COL25A1: variants seen among roughly 807,000 people sequenced by gnomAD.
COL25A1 encodes collagen type XXV alpha 1 chain, also known as collagen alpha-1(XXV) chain.
Under a neutral mutation model 128.4 loss-of-function variants are expected in COL25A1, and 103 were observed. The ratio of observed to expected loss-of-function variants is 0.80; its 90% CI spans 0.68 to 0.94. COL25A1 has a LOEUF of 0.94. Ranked by LOEUF, COL25A1 falls within the 40% of genes least tolerant of loss-of-function variation. The probability of loss-of-function intolerance (pLI) is 0.00; values close to 1 mark genes in which losing one functional copy is unlikely to be tolerated. For synonymous variants in COL25A1, 279 were observed against 277.2 expected, an observed-to-expected ratio of 1.01 and a Z score of -0.06; for missense variants, 745 against 840.0, an observed-to-expected ratio of 0.89 and a Z score of 1.40.
chr4:109,256,604 T>C (rs1355642203), intron 3 of COL25A1, among the ~76,000 whole-genome samples: 2 of 152,208 alleles, frequency 1.3e-5, no homozygotes, highest in Non-Finnish European at 2.9e-5. Flanking sequence ...CACAGAAGCC[T>C]CATTTCCAGA....
At chr4:109,233,468 AT>A (rs955634467) in intron 3 of COL25A1, among the ~76,000 whole-genome samples, 10 of 150,856 alleles carry the variant, frequency 6.6e-5, no homozygotes, top group Non-Finnish European at 1.0e-4. Context: ...GAGTATGTGG[AT>A]TTTTTTTCTT....
chr4:108,963,913 G>C (rs1348029004), intron 8 of COL25A1, among the ~76,000 whole-genome samples: 1 of 151,038 alleles, frequency 6.6e-6, no homozygotes. Context: ...ATACATCCAG[G>C]GATATATGTC....
intron 16 of COL25A1, among the ~76,000 whole-genome samples, chr4:108,893,052 C>T (rs1317411542): frequency 6.6e-6 from 1 of 152,080 alleles, no homozygotes; most frequent in Admixed American, 6.6e-5. Context: ...GTTTGGTTGG[C>T]TCCAAATATG....
chr4:109,161,755 TAA>T lies in COL25A1; in HGVS notation c.368-111578_368-111577del, dbSNP rs570034672. Among the ~76,000 whole-genome samples, 421 of 152,366 alleles carry T rather than the reference TAA, an allele frequency of 2.8e-3. 3 individuals are homozygous for T. The highest frequency in any genetic ancestry group is 0.017 in the Middle Eastern group (5 of 294). On this transcript the variant is annotated intron_variant, in intron 3 of 37. Transcript: ENST00000399132. Reference sequence around the variant, plus strand: ...CATTCCAGTTACTATATTAATACTTTAAAATTATACTGAAGATGGAAAAGACA... The same window carrying T: ...CATTCCAGTTACTATATTAATACTTTAATTATACTGAAGATGGAAAAGACA...
chr4:109,093,472 A>AAAAAAAAAAAAAC (rs765991576), intron 3 of COL25A1, among the ~76,000 whole-genome samples: 8 of 145,540 alleles, frequency 5.5e-5, no homozygotes, highest in Admixed American at 1.3e-4. Context: ...AAAAAAAAAA[A>AAAAAAAAAAAAAC]AAAACCTTTT....
At chr4:108,898,500 T>C (rs970667355) in intron 15 of COL25A1, among the ~76,000 whole-genome samples, 1 of 152,194 alleles carries the variant, frequency 6.6e-6, no homozygotes, top group African/African-American at 2.4e-5. Context: ...TATCGTAATA[T>C]GCAATCAGAG....
At chr4:109,063,102 C>T (rs1239512659) in intron 3 of COL25A1, among the ~76,000 whole-genome samples, 1 of 152,166 alleles carries the variant, frequency 6.6e-6, no homozygotes, top group Admixed American at 6.5e-5. Flanking sequence ...ACAATGTTAG[C>T]CAATACATAA....
chr4:109,058,978 C>T (rs1761696793), intron 3 of COL25A1, among the ~76,000 whole-genome samples: 1 of 152,166 alleles, frequency 6.6e-6, no homozygotes, highest in South Asian at 2.1e-4. Flanking sequence ...ACGCAGAAGT[C>T]TGGACCCAGT....
At chr4:108,896,409 A>T (rs1310802774) in intron 16 of COL25A1, among the ~76,000 whole-genome samples, 1 of 152,200 alleles carries the variant, frequency 6.6e-6, no homozygotes, top group African/African-American at 2.4e-5. Flanking sequence ...CATATTACTG[A>T]AAACTTAGCT....
intron 30 of COL25A1, among the ~76,000 whole-genome samples, chr4:108,842,782 G>A (rs944165526): frequency 6.6e-6 from 1 of 152,072 alleles, no homozygotes; most frequent in African/African-American, 2.4e-5. Context: ...TCTTATAGTA[G>A]AGGGAGTATT....
At chr4:109,206,851 G>A (rs945011519) in intron 3 of COL25A1, among the ~76,000 whole-genome samples, 3 of 152,146 alleles carry the variant, frequency 2.0e-5, no homozygotes, top group African/African-American at 2.4e-5. Context: ...ACTCCCTCAC[G>A]TCTACTGTCT....
chr4:109,131,164 T>C (rs907480220), intron 3 of COL25A1, among the ~76,000 whole-genome samples: 3 of 151,148 alleles, frequency 2.0e-5, no homozygotes, highest in African/African-American at 7.4e-5. Context: ...TCATCAGTAA[T>C]GTTTTTGTTG....
At chr4:109,289,449 A>C (rs1174071826) in intron 3 of COL25A1, among the ~76,000 whole-genome samples, 1 of 152,156 alleles carries the variant, frequency 6.6e-6, no homozygotes, top group Admixed American at 6.6e-5. Context: ...TTTATATTTT[A>C]ACAGTAATTT....
intron 5 of COL25A1, among the ~76,000 whole-genome samples, chr4:109,020,264 A>G (rs1191998595): frequency 6.6e-6 from 1 of 152,180 alleles, no homozygotes; most frequent in Non-Finnish European, 1.5e-5. Flanking sequence ...GTGCTATCCT[A>G]CAGGATAGAT....
At chr4:108,899,234 A>G in intron 14 of COL25A1, 54 bp from the exon 15 acceptor site, 2 of 1,481,784 alleles carry the variant, frequency 1.3e-6, no homozygotes. Flanking sequence ...ACCTAATTTT[A>G]TTATCATTAT....
At chr4:109,253,501 C>CT (rs1433984978) in intron 3 of COL25A1, among the ~76,000 whole-genome samples, 3 of 152,160 alleles carry the variant, frequency 2.0e-5, no homozygotes, top group Admixed American at 2.0e-4. Flanking sequence ...GGAAGGCCAC[C>CT]TGCTTTACTC....
At chr4:109,194,445 G>A (rs1324808626) in intron 3 of COL25A1, among the ~76,000 whole-genome samples, 1 of 152,092 alleles carries the variant, frequency 6.6e-6, no homozygotes, top group Non-Finnish European at 1.5e-5. Context: ...CTAATTCATT[G>A]CAAAAATATT....
chr4:109,294,994 G>C (rs1367604507), intron 3 of COL25A1, among the ~76,000 whole-genome samples: 2 of 151,994 alleles, frequency 1.3e-5, no homozygotes, highest in African/African-American at 4.8e-5. Flanking sequence ...AGTTGATTTT[G>C]CACAATTACA....
intron 3 of COL25A1, among the ~76,000 whole-genome samples, chr4:109,101,021 A>T (rs1765842477): frequency 6.6e-6 from 1 of 152,204 alleles, no homozygotes; most frequent in South Asian, 2.1e-4. Context: ...CCATCATTGT[A>T]GGAAAATTTT....
Sources: gnomAD v4.1 joint callset for allele counts (sites outside exome capture counted in the v4.1 genomes callset) on GRCh38, gnomAD v4.1.1 for gene constraint, MANE v1.5 for transcripts, NCBI Gene and HGNC (gene_info 2026-07-23, HGNC 2026-07-21) for gene names.